RGS22: variants seen among roughly 807,000 people sequenced by gnomAD.
The protein encoded by RGS22 is regulator of G protein signaling 22.
A neutral mutation model predicts 172.9 loss-of-function variants in RGS22; 148 were observed. The observed-to-expected ratio is 0.86, with a 90% CI of 0.75 to 0.98. The LOEUF (loss-of-function observed/expected upper bound fraction) is 0.98. Among genes scored for constraint, RGS22 ranks in the 50% least tolerant of loss-of-function variants. RGS22 has a pLI of 0.00. For missense variants in RGS22, 1,347 were observed against 1,440.8 expected (o/e 0.93, Z 1.05); for synonymous variants, 458 against 480.2 (o/e 0.95, Z 0.60).
In RGS22 at chr8:100,074,903, G is replaced by A. The variant is rs564210226; in HGVS notation, c.340-2673C>T. On this transcript the variant is annotated intron_variant, in intron 4 of 27. Transcript: ENST00000360863. ...CTGCCTCAGCCTGCCGAGTAGCTGG[G>A]ACCACAGGCACCCACCACCACGCCC... Among the ~76,000 whole-genome samples the A allele has an allele frequency of 3.9e-5, 6 of 152,130 alleles. No homozygotes were observed. The East Asian group carries it at 1.2e-3, about 29-fold the overall frequency.
At chr8:100,020,164 G>A (rs1817457040) in intron 14 of RGS22, among the ~76,000 whole-genome samples, 1 of 152,004 alleles carries the variant, frequency 6.6e-6, no homozygotes, top group Non-Finnish European at 1.5e-5. Flanking sequence ...GATTACAGGT[G>A]TGAGCCACCA....
At chr8:100,005,280 G>A (rs920281728) in intron 16 of RGS22, among the ~76,000 whole-genome samples, 1 of 151,952 alleles carries the variant, frequency 6.6e-6, no homozygotes, top group East Asian at 1.9e-4. Flanking sequence ...TTAATATTTT[G>A]GTGAGTGTCT....
intron 14 of RGS22, among the ~76,000 whole-genome samples, chr8:100,014,800 A>C (rs1355664265): frequency 6.6e-6 from 1 of 152,038 alleles, no homozygotes; most frequent in Non-Finnish European, 1.5e-5. Context: ...TCTGCACTCT[A>C]TCCCTTCTAT....
intron 3 of RGS22, among the ~76,000 whole-genome samples, chr8:100,083,230 G>A (rs764442078): frequency 2.4e-4 from 37 of 152,156 alleles, no homozygotes; most frequent in Non-Finnish European, 4.0e-4. Context: ...CCACACTCTG[G>A]GGAGACTGGC....
intron 6 of RGS22, among the ~76,000 whole-genome samples, chr8:100,069,716 T>C (rs1025553328): frequency 2.6e-5 from 4 of 152,208 alleles, no homozygotes; most frequent in Admixed American, 2.6e-4. Context: ...TACTCTTGCT[T>C]CCCAGGTGAC....
intron 20 of RGS22, among the ~76,000 whole-genome samples, chr8:99,993,286 T>C (rs1265906947): frequency 3.3e-5 from 5 of 151,874 alleles, no homozygotes; most frequent in Non-Finnish European, 4.4e-5. Context: ...CTGAAAGAGA[T>C]AGAGACACAA....
At chr8:99,984,552 G>A (rs1275169080) in intron 21 of RGS22, among the ~76,000 whole-genome samples, 1 of 151,998 alleles carries the variant, frequency 6.6e-6, no homozygotes, top group Admixed American at 6.6e-5. Context: ...GTGACTCTCA[G>A]TCCAGGAGAG....
chr8:100,034,726 C>T (rs113522159), intron 14 of RGS22, among the ~76,000 whole-genome samples: 3 of 152,282 alleles, frequency 2.0e-5, no homozygotes, highest in African/African-American at 7.2e-5. Flanking sequence ...TACTCCAAGT[C>T]TACAGTAGTA....
chr8:100,093,593 T>C (rs1812751826), intron 2 of RGS22, 84 bp from the exon 3 acceptor site: 1 of 895,838 alleles, frequency 1.1e-6, no homozygotes, highest in East Asian at 2.6e-5. Flanking sequence ...CTGCTACGAA[T>C]TTATTATCAC....
intron 23 of RGS22, among the ~76,000 whole-genome samples, chr8:99,967,676 C>CT (rs970357589): frequency 1.3e-5 from 2 of 152,178 alleles, no homozygotes; most frequent in African/African-American, 4.8e-5. Flanking sequence ...CAGACTGCCT[C>CT]TCTAGATTCC....
chr8:99,982,180 G>A, intron 21 of RGS22, 64 bp from the exon 22 acceptor site: 1 of 1,219,536 alleles, frequency 8.2e-7, no homozygotes, highest in Non-Finnish European at 1.1e-6. Context: ...TAATAGAACT[G>A]TATCAATATG....
chr8:100,045,287 C>T (rs1159148074), intron 11 of RGS22, among the ~76,000 whole-genome samples: 2 of 151,876 alleles, frequency 1.3e-5, no homozygotes, highest in Non-Finnish European at 2.9e-5. Flanking sequence ...AAAAAGACTA[C>T]CTTAGGCTCT....
At chr8:100,008,042 A>T (rs1336013795) in intron 15 of RGS22, among the ~76,000 whole-genome samples, 1 of 150,262 alleles carries the variant, frequency 6.7e-6, no homozygotes, top group African/African-American at 2.4e-5. Context: ...TTTATTTTTT[A>T]ATTTTTTTTT....
chr8:99,989,861 C>CAGATAGATAGATAGATAGAT (rs58327517), intron 20 of RGS22, among the ~76,000 whole-genome samples: 2 of 146,328 alleles, frequency 1.4e-5, no homozygotes, highest in African/African-American at 2.5e-5. Flanking sequence ...GATAGACAGA[C>CAGATAGATAGATAGATAGAT]AGATAGATAG....
chr8:100,058,184 A>T, intron 9 of RGS22, among the ~76,000 whole-genome samples: 1 of 149,774 alleles, frequency 6.7e-6, no homozygotes, highest in Non-Finnish European at 1.5e-5. Flanking sequence ...AAAAAAAAAA[A>T]AACAACAACA....
chr8:100,012,914 A>G (rs1338217540), intron 14 of RGS22, among the ~76,000 whole-genome samples: 1 of 151,808 alleles, frequency 6.6e-6, no homozygotes, highest in Non-Finnish European at 1.5e-5. Flanking sequence ...TCAAATTCTC[A>G]TATGTTGAGC....
rs577356200 is a variant in RGS22, at chr8:100,016,736, C to G, written c.2167-8167G>C. Among the ~76,000 whole-genome samples the G allele has an allele frequency of 9.2e-5, 14 of 152,092 alleles. No homozygotes were observed. The East Asian group carries it at 2.5e-3, about 27-fold the overall frequency. ...AGCTTGCAGTGAGCCAAGATTGGGC[C>G]ACTGCATTCCAGCCTGGGCGACAGA... On this transcript the variant is annotated intron_variant, in intron 14 of 27. Transcript: ENST00000360863.
At chr8:99,981,329 T>A (rs1812526563) in intron 22 of RGS22, among the ~76,000 whole-genome samples, 1 of 152,192 alleles carries the variant, frequency 6.6e-6, no homozygotes, top group South Asian at 2.1e-4. Context: ...CTCTTCTCAC[T>A]TATTTTATGA....
intron 3 of RGS22, among the ~76,000 whole-genome samples, chr8:100,089,303 G>C (rs1011915902): frequency 2.6e-5 from 4 of 151,776 alleles, no homozygotes; most frequent in Admixed American, 6.6e-5. Flanking sequence ...TCACAAGTCA[G>C]CCCATTTAAT....
Sources: gnomAD v4.1 joint callset for allele counts (sites outside exome capture counted in the v4.1 genomes callset) on GRCh38, gnomAD v4.1.1 for gene constraint, MANE v1.5 for transcripts, NCBI Gene and HGNC (gene_info 2026-07-23, HGNC 2026-07-21) for gene names.